Variants in PLEKHG1 observed in about 807,000 individuals in gnomAD.
The protein encoded by PLEKHG1 is pleckstrin homology and RhoGEF domain containing G1.
PLEKHG1 carries 44 observed loss-of-function variants against 100.8 expected under a neutral mutation model. That is an observed-to-expected ratio of 0.44 (90% confidence interval 0.34 to 0.56). The LOEUF is 0.56. Among genes scored for constraint, PLEKHG1 ranks in the 20% least tolerant of loss-of-function variants. The pLI is 0.01. For missense variants in PLEKHG1, 1,545 were observed against 1,720.9 expected, an observed-to-expected ratio of 0.90 and a Z score of 1.81; for synonymous variants, 640 against 662.5, an observed-to-expected ratio of 0.97 and a Z score of 0.52.
At chr6:150,621,939 A>T (rs959000762) in intron 1 of PLEKHG1, among the ~76,000 whole-genome samples, 2 of 152,250 alleles carry the variant, frequency 1.3e-5, no homozygotes, top group Non-Finnish European at 2.9e-5. Flanking sequence ...TGTTGCGTCC[A>T]GAACTGTTGT....
At chr6:150,708,392 A>G (rs1000030876) in intron 3 of PLEKHG1, among the ~76,000 whole-genome samples, 3 of 152,102 alleles carry the variant, frequency 2.0e-5, no homozygotes, top group Non-Finnish European at 2.9e-5. Context: ...CCCCAGCCCC[A>G]CCTTCATTCC....
chr6:150,732,991 T>C (rs986104368), intron 1 of PLEKHG1, among the ~76,000 whole-genome samples: 3 of 152,264 alleles, frequency 2.0e-5, no homozygotes, highest in Admixed American at 2.0e-4. Flanking sequence ...TCTTTAATGC[T>C]GTATGCAAGT....
At chr6:150,603,530 C>G (rs1289600630) in intron 1 of PLEKHG1, among the ~76,000 whole-genome samples, 2 of 152,114 alleles carry the variant, frequency 1.3e-5, no homozygotes, top group Non-Finnish European at 2.9e-5. Context: ...TGTGGAATAC[C>G]TGGGCCATAG....
rs117312720 is a variant in PLEKHG1, at chr6:150,836,557, G to A, written c.3095-3276G>A. 9.4e-3 allele frequency among the ~76,000 whole-genome samples: 1,428 copies of A among 151,810 alleles called. 19 individuals carry two copies. The highest frequency in any genetic ancestry group is 0.027 in the African/African-American group (1,127 of 41,372). On this transcript the variant is annotated intron_variant, in intron 15 of 15. Coordinates refer to ENST00000358517, the Ensembl canonical transcript of PLEKHG1. ...AGAGGCCAGGCGAGGTGGCTCACAC[G>A]TGTAATCCTAGCACTTTGAGAGGCC...
At chr6:150,722,351 T>TTC (rs1781735224) in intron 1 of PLEKHG1, among the ~76,000 whole-genome samples, 1 of 17,040 alleles carries the variant, frequency 5.9e-5, no homozygotes, top group African/African-American at 1.1e-4. Context: ...TTTCTTTTCT[T>TTC]TTTTTTTTTT....
At chr6:150,826,053 C>T (rs1056655771) in intron 14 of PLEKHG1, among the ~76,000 whole-genome samples, 8 of 152,060 alleles carry the variant, frequency 5.3e-5, no homozygotes, top group African/African-American at 9.6e-5. Context: ...TGGTCGTGGG[C>T]GGCTGTAATC....
intron 3 of PLEKHG1, among the ~76,000 whole-genome samples, chr6:150,675,497 T>A (rs192547558): frequency 6.6e-6 from 1 of 152,378 alleles, no homozygotes; most frequent in East Asian, 1.9e-4. Context: ...CCTACAACCT[T>A]ATCTTTCAGT....
At chr6:150,769,443 A>G (rs918792510) in intron 3 of PLEKHG1, among the ~76,000 whole-genome samples, 3 of 151,824 alleles carry the variant, frequency 2.0e-5, no homozygotes, top group Non-Finnish European at 2.9e-5. Context: ...TTAGCCAGGT[A>G]TGGTGGTGCA....
At chr6:150,674,662 TCTCTCTCTCTCTCTCTCTCTCC>T (rs1779688810) in intron 3 of PLEKHG1, among the ~76,000 whole-genome samples, 2 of 142,012 alleles carry the variant, frequency 1.4e-5, no homozygotes, top group African/African-American at 5.3e-5. Context: ...TCTCTCTCTC[TCTCTCTCTCTCTCTCTCTCTCC>T]CCCCTCTTCT....
chr6:150,679,634 G>C (rs1242993694), intron 3 of PLEKHG1, among the ~76,000 whole-genome samples: 1 of 152,202 alleles, frequency 6.6e-6, no homozygotes, highest in African/African-American at 2.4e-5. Context: ...TGTTCATTCA[G>C]TCATTCAGCA....
chr6:150,769,598 A>AG (rs1245258858), intron 3 of PLEKHG1, among the ~76,000 whole-genome samples: 1 of 151,522 alleles, frequency 6.6e-6, no homozygotes, highest in East Asian at 1.9e-4. Context: ...AAAAAAAAAA[A>AG]AAAAAGAAAG....
At chr6:150,674,978 C>T (rs948916112) in intron 3 of PLEKHG1, among the ~76,000 whole-genome samples, 3 of 152,056 alleles carry the variant, frequency 2.0e-5, no homozygotes, top group South Asian at 2.1e-4. Context: ...CCACCATGCC[C>T]GGCCACCTCA....
chr6:150,781,095 G>A (rs1024546151), intron 3 of PLEKHG1, among the ~76,000 whole-genome samples: 6 of 151,442 alleles, frequency 4.0e-5, no homozygotes, highest in Non-Finnish European at 7.4e-5. Context: ...GGCTGGTCTC[G>A]AACTCCTGAC....
At chr6:150,731,362 A>G (rs1782244113) in intron 1 of PLEKHG1, among the ~76,000 whole-genome samples, 1 of 152,194 alleles carries the variant, frequency 6.6e-6, no homozygotes, top group African/African-American at 2.4e-5. Flanking sequence ...TAAACTGCTC[A>G]TTTCCTACAT....
At chr6:150,690,486 T>C (rs1031019405) in intron 3 of PLEKHG1, among the ~76,000 whole-genome samples, 3 of 152,216 alleles carry the variant, frequency 2.0e-5, no homozygotes, top group Non-Finnish European at 4.4e-5. Context: ...ATTTCAGTGG[T>C]TCATAGTTTT....
intron 1 of PLEKHG1, among the ~76,000 whole-genome samples, chr6:150,721,871 T>C (rs1781690360): frequency 6.6e-6 from 1 of 152,216 alleles, no homozygotes; most frequent in Admixed American, 6.5e-5. Context: ...AAGATATTTA[T>C]ATTCAGCATT....
chr6:150,600,541 G>A lies in PLEKHG1; in HGVS notation c.-204+524G>A, dbSNP rs923232186. ...GACCCGGGGACGCGCGGTGGGGGCG[G>A]CGGCCGAGCTGCTGCGGCGCTCAGG... On this transcript the variant is annotated intron_variant, in intron 1 of 3. Coordinates refer to the PLEKHG1 transcript ENST00000367326. This position sits in a 1 kb window ranked among gnomAD's most constrained non-coding sequence, Gnocchi z 6.2. Among the ~76,000 whole-genome samples the A allele has an allele frequency of 1.3e-5, 2 of 152,218 alleles. No homozygotes were observed. Among genetic ancestry groups the A allele is most frequent in the African/African-American group, 4.8e-5 (2 of 41,464 alleles).
intron 3 of PLEKHG1, among the ~76,000 whole-genome samples, chr6:150,782,719 A>T (rs2128649219): frequency 6.6e-6 from 1 of 152,334 alleles, no homozygotes; most frequent in Admixed American, 6.5e-5. Context: ...AGGGGAAATA[A>T]TGCTACTCTT....
chr6:150,795,279 A>G lies in PLEKHG1; in HGVS notation c.583-577A>G, dbSNP rs371746113. 5.3e-5 allele frequency among the ~76,000 whole-genome samples: 8 copies of G among 152,018 alleles called. No individual in the cohort carries two copies. In the East Asian group the frequency reaches 1.5e-3, roughly 29 times the overall value. On this transcript the variant is annotated intron_variant, in intron 4 of 15. Transcript: ENST00000358517. The stretch of plus-strand genomic sequence containing the variant: ...GTGACGCATGCCTGTAATCCCAGCT[A>G]CTCAGCAGGCTGAAGCACAAGAATT...
Sources: gnomAD v4.1 joint callset for allele counts (sites outside exome capture counted in the v4.1 genomes callset) on GRCh38, gnomAD v4.1.1 for gene constraint, Gnocchi (gnomAD v3.1) non-coding constraint, MANE v1.5 for transcripts, NCBI Gene and HGNC (gene_info 2026-07-23, HGNC 2026-07-21) for gene names.